The following KHDRBS2 variants were observed in gnomAD, a reference collection of about 807,000 sequenced individuals.
The protein encoded by KHDRBS2 is KH RNA binding domain containing, signal transduction associated 2, also known as KH domain-containing, RNA-binding, signal transduction-associated protein 2.
KHDRBS2 carries 26 observed loss-of-function variants against 44.3 expected under a neutral mutation model. That is an observed-to-expected ratio of 0.59 (90% CI 0.43 to 0.81). The LOEUF is 0.81. KHDRBS2 is among the 40% of genes least tolerant of loss of function. The probability of loss-of-function intolerance (pLI) is 0.00; values close to 1 mark genes in which losing one functional copy is unlikely to be tolerated. For missense variants in KHDRBS2, 476 were observed against 433.1 expected (o/e 1.10, Z -0.88); for synonymous variants, 194 against 151.1 (o/e 1.28, Z -2.08).
the KHDRBS2 span, among the ~76,000 whole-genome samples, chr6:61,645,536 G>A: frequency 5.9e-5 from 7 of 118,722 alleles, no homozygotes; most frequent in East Asian, 2.5e-4. Context: ...AAAAAAAAAA[G>A]GTATTTGAGT....
chr6:61,782,719 A>G lies in KHDRBS2; in HGVS notation c.811-49955T>C, dbSNP rs1376365349. 1.6e-3 allele frequency among the ~76,000 whole-genome samples: 224 copies of G among 141,446 alleles called. 5 individuals carry two copies. Among genetic ancestry groups the G allele is most frequent in the African/African-American group, 5.4e-3 (212 of 39,016 alleles). The allele number at this position is 141,446 out of a possible 152,430, so 92.8% of individuals were successfully genotyped here. A position where few individuals can be genotyped will look rare whatever the true frequency, so the allele number is the denominator to read the frequency against. ...TATATATATATATATATATATATATATATATATATATATATATATACACAC... is the reference window on the plus strand; with the variant it reads ...TATATATATATATATATATATATATGTATATATATATATATATATACACAC... On this transcript the variant is annotated intron_variant, in intron 6 of 8. Transcript: ENST00000281156.
intron 1 of KHDRBS2, among the ~76,000 whole-genome samples, chr6:62,228,619 A>G (rs1832337031): frequency 6.6e-6 from 1 of 150,990 alleles, no homozygotes; most frequent in South Asian, 2.1e-4. Flanking sequence ...TTTAATTGTG[A>G]TATTATGCTG....
At chr6:61,824,937 C>A (rs1372004803) in intron 6 of KHDRBS2, among the ~76,000 whole-genome samples, 1 of 152,064 alleles carries the variant, frequency 6.6e-6, no homozygotes, top group Non-Finnish European at 1.5e-5. Context: ...GGCTAATTGT[C>A]CACATTGCCA....
chr6:61,898,341 C>T (rs993121618), intron 5 of KHDRBS2, among the ~76,000 whole-genome samples: 6 of 151,740 alleles, frequency 4.0e-5, no homozygotes, highest in African/African-American at 1.5e-4. Flanking sequence ...GTATCGAGCA[C>T]TTACTAAATA....
At chr6:61,956,080 C>G (rs1051901943) in intron 4 of KHDRBS2, among the ~76,000 whole-genome samples, 1 of 151,888 alleles carries the variant, frequency 6.6e-6, no homozygotes, top group Non-Finnish European at 1.5e-5. Context: ...GTATTCCCAG[C>G]TATTCGGGGA....
chr6:61,937,850 C>T (rs576894841), intron 4 of KHDRBS2, among the ~76,000 whole-genome samples: 1 of 152,160 alleles, frequency 6.6e-6, no homozygotes, highest in South Asian at 2.1e-4. Context: ...TACATGGGTC[C>T]ACTCCTAGGC....
intron 3 of KHDRBS2, among the ~76,000 whole-genome samples, chr6:62,011,550 T>C (rs1273375653): frequency 6.6e-6 from 1 of 152,192 alleles, no homozygotes; most frequent in Non-Finnish European, 1.5e-5. Flanking sequence ...GTATGTTTTC[T>C]CCATATTAAC....
At chr6:61,591,465 A>G in the KHDRBS2 span, among the ~76,000 whole-genome samples, 2 of 152,206 alleles carry the variant, frequency 1.3e-5, no homozygotes, top group African/African-American at 4.8e-5. Flanking sequence ...ACATGATCTG[A>G]ATACTTCTGA....
intron 6 of KHDRBS2, among the ~76,000 whole-genome samples, chr6:61,736,155 G>T (rs1775306742): frequency 7.4e-6 from 1 of 135,566 alleles, no homozygotes; most frequent in African/African-American, 2.7e-5. Context: ...TTCTCGGTTG[G>T]CACAGTAAAT....
the KHDRBS2 span, among the ~76,000 whole-genome samples, chr6:61,588,115 C>T: frequency 6.6e-6 from 1 of 152,170 alleles, no homozygotes. Flanking sequence ...GTTGGGAGCC[C>T]TTAGTTCCAT....
intron 6 of KHDRBS2, among the ~76,000 whole-genome samples, chr6:61,887,565 T>A (rs930618946): frequency 1.3e-5 from 2 of 152,190 alleles, no homozygotes; most frequent in Non-Finnish European, 2.9e-5. Flanking sequence ...CAGTAAGCTG[T>A]TTCTTGTCAG....
intron 6 of KHDRBS2, among the ~76,000 whole-genome samples, chr6:61,840,322 C>A (rs983688251): frequency 6.6e-6 from 1 of 152,060 alleles, no homozygotes; most frequent in African/African-American, 2.4e-5. Context: ...TGGTTGCTTG[C>A]AACATCTCAG....
At chr6:61,591,552 TA>T in the KHDRBS2 span, among the ~76,000 whole-genome samples, 4 of 152,244 alleles carry the variant, frequency 2.6e-5, no homozygotes, top group South Asian at 4.1e-4. Flanking sequence ...CTCGTGCACC[TA>T]GAGTAACTAA....
At chr6:61,585,505 C>T in the KHDRBS2 span, among the ~76,000 whole-genome samples, 1 of 151,980 alleles carries the variant, frequency 6.6e-6, no homozygotes, top group Admixed American at 6.6e-5. Context: ...GAACCTCTTT[C>T]CTATTCTCTA....
At chr6:62,093,603 T>C (rs1195449053) in intron 2 of KHDRBS2, among the ~76,000 whole-genome samples, 2 of 151,968 alleles carry the variant, frequency 1.3e-5, no homozygotes, top group Admixed American at 1.3e-4. Context: ...TTTATTCTTA[T>C]CTAAATATAG....
At chr6:61,576,239 T>C in the KHDRBS2 span, among the ~76,000 whole-genome samples, 2 of 152,184 alleles carry the variant, frequency 1.3e-5, no homozygotes, top group Non-Finnish European at 2.9e-5. Flanking sequence ...GTTCATTTTT[T>C]TGGGTTATCT....
chr6:61,763,471 T>A (rs1415240951), intron 6 of KHDRBS2, among the ~76,000 whole-genome samples: 4 of 152,266 alleles, frequency 2.6e-5, no homozygotes, highest in African/African-American at 9.6e-5. Flanking sequence ...AGGCCAAATG[T>A]TCCTGAGACT....
At chr6:61,544,983 T>C in the KHDRBS2 span, among the ~76,000 whole-genome samples, 4 of 152,116 alleles carry the variant, frequency 2.6e-5, no homozygotes, top group East Asian at 3.9e-4. Context: ...TAATGCTAAA[T>C]GACGAGTTAA....
chr6:62,103,280 G>A (rs890067381), intron 2 of KHDRBS2, among the ~76,000 whole-genome samples: 2 of 152,108 alleles, frequency 1.3e-5, no homozygotes, highest in African/African-American at 2.4e-5. Context: ...AGATCAACAT[G>A]TAGTCTGCTG....
Sources: gnomAD v4.1 joint callset for allele counts (sites outside exome capture counted in the v4.1 genomes callset) on GRCh38, gnomAD v4.1.1 for gene constraint, MANE v1.5 for transcripts, NCBI Gene and HGNC (gene_info 2026-07-23, HGNC 2026-07-21) for gene names.